Variants in ARMH3 observed in about 807,000 individuals in gnomAD.
ARMH3 encodes armadillo like helical domain containing 3.
Under a neutral mutation model 99.1 loss-of-function variants are expected in ARMH3, and 60 were observed. The ratio of observed to expected loss-of-function variants is 0.61; its 90% CI spans 0.49 to 0.75. The LOEUF (loss-of-function observed/expected upper bound fraction) is 0.75. Ranked by LOEUF, ARMH3 falls within the 30% of genes least tolerant of loss-of-function variation. The pLI, the probability that ARMH3 is intolerant of heterozygous loss-of-function variation, is 0.00. For synonymous variants in ARMH3, 285 were observed against 292.8 expected (o/e 0.97, Z 0.27); for missense variants, 679 against 843.1 (o/e 0.81, Z 2.41).
intron 17 of ARMH3, among the ~76,000 whole-genome samples, chr10:101,993,248 G>T (rs549086949): frequency 4.0e-5 from 6 of 150,826 alleles, no homozygotes; most frequent in East Asian, 2.0e-4. Context: ...TCCAGCCTGG[G>T]GGGGAGAGAG....
At position 101,846,065 on chromosome 10, in the gene ARMH3, G is replaced by A. The variant is rs2066461642; in HGVS notation, c.*1463C>T. 1 of 152,204 alleles carries A rather than the reference G, an allele frequency of 6.6e-6. No homozygotes were observed. The highest frequency in any genetic ancestry group is 2.1e-4 in the South Asian group (1 of 4,830). The allele number at this position is 152,204 out of a possible 1,614,324, so 9.4% of individuals were successfully genotyped here. On this transcript the variant is annotated 3_prime_UTR_variant, in exon 26 of 26. Transcript: ENST00000370033. Reference sequence around the variant, plus strand: ...GGAAAGCCTATAGTGGTTCCATGGAGGCTATCCAAGGGAGGAACCACAAGC... The same window carrying A: ...GGAAAGCCTATAGTGGTTCCATGGAAGCTATCCAAGGGAGGAACCACAAGC...
chr10:102,037,340 C>T (rs891750448), intron 2 of ARMH3, among the ~76,000 whole-genome samples: 1 of 151,714 alleles, frequency 6.6e-6, no homozygotes, highest in Non-Finnish European at 1.5e-5. Context: ...TGCACCACCA[C>T]GCCCAGTTAA....
At chr10:102,010,358 C>CACAT (rs1209132855) in intron 11 of ARMH3, among the ~76,000 whole-genome samples, 1 of 152,230 alleles carries the variant, frequency 6.6e-6, no homozygotes. Flanking sequence ...AGTTAACCTA[C>CACAT]ACATCTTCAT....
At chr10:101,872,695 T>C (rs1306517909) in intron 24 of ARMH3, among the ~76,000 whole-genome samples, 1 of 152,054 alleles carries the variant, frequency 6.6e-6, no homozygotes. Flanking sequence ...TGGTGGCTCA[T>C]CCCTGTAATC....
rs17778015 is a variant in ARMH3, at chr10:101,992,079, C to G, written c.1276-41G>C. On this transcript the variant is annotated intron_variant, in intron 17 of 25. Coordinates refer to ENST00000370033, the MANE Select transcript of ARMH3 (RefSeq NM_024541.3). ...ATGAAGAAAGGAAATTAGTAGACAC[C>G]GGCACTGACATCCAATGGCCCATCA... The G allele has an allele frequency of 2.0e-5, 30 of 1,515,608 alleles. No homozygotes were observed. The South Asian group carries it at 3.4e-4, about 17-fold the overall frequency. The allele number at this position is 1,515,608 out of a possible 1,614,324, so 93.9% of individuals were successfully genotyped here.
intron 2 of ARMH3, among the ~76,000 whole-genome samples, chr10:102,033,798 T>C (rs1161636298): frequency 6.6e-6 from 1 of 152,230 alleles, no homozygotes; most frequent in Non-Finnish European, 1.5e-5. Context: ...TATCTCTTTG[T>C]GTTTTTTTTC....
chr10:102,012,528 TG>T (rs35775336), intron 10 of ARMH3, among the ~76,000 whole-genome samples: 1 of 152,212 alleles, frequency 6.6e-6, no homozygotes, highest in African/African-American at 2.4e-5. Context: ...CTGGACTAAA[TG>T]GAAGTGCCCA....
chr10:101,999,093 T>C (rs1043736977), intron 15 of ARMH3, among the ~76,000 whole-genome samples: 4 of 152,192 alleles, frequency 2.6e-5, no homozygotes, highest in African/African-American at 9.6e-5. Context: ...CTCTGGAGAG[T>C]TTAAATTACA....
intron 23 of ARMH3, among the ~76,000 whole-genome samples, chr10:101,922,461 A>T (rs1374809490): frequency 3.3e-5 from 5 of 152,192 alleles, no homozygotes; most frequent in Admixed American, 3.3e-4. Context: ...TATGTTGCCC[A>T]GGCTGGTCTC....
chr10:101,890,227 CATAT>C (rs921545002), intron 23 of ARMH3, among the ~76,000 whole-genome samples: 2 of 147,966 alleles, frequency 1.4e-5, no homozygotes, highest in Non-Finnish European at 3.0e-5. Context: ...CTCTTTTTTT[CATAT>C]ATATATATAT....
intron 1 of ARMH3, among the ~76,000 whole-genome samples, chr10:102,044,091 CTTTTTTTTTTT>C (rs778226635): frequency 1.9e-5 from 2 of 104,124 alleles, no homozygotes; most frequent in Non-Finnish European, 4.1e-5. Flanking sequence ...TAATTTTTTT[CTTTTTTTTTTT>C]TTTTTTTTGG....
At chr10:101,900,476 C>T (rs1320571425) in intron 23 of ARMH3, among the ~76,000 whole-genome samples, 1 of 152,138 alleles carries the variant, frequency 6.6e-6, no homozygotes, top group Non-Finnish European at 1.5e-5. Flanking sequence ...CAAAACTGAT[C>T]TAATTTTGAT....
At chr10:101,881,034 C>T (rs538004467) in intron 24 of ARMH3, among the ~76,000 whole-genome samples, 7 of 152,326 alleles carry the variant, frequency 4.6e-5, no homozygotes, top group African/African-American at 1.4e-4. Context: ...TCTAACATAA[C>T]CTTCACTCAT....
At chr10:102,002,162 A>G (rs2066376155) in intron 14 of ARMH3, 90 bp from the exon 15 acceptor site, 3 of 1,558,000 alleles carry the variant, frequency 1.9e-6, no homozygotes, top group South Asian at 2.4e-5. Flanking sequence ...CAGGCAAAAA[A>G]ATCACTAAAT....
chr10:101,980,127 C>G (rs1188477616), intron 19 of ARMH3, among the ~76,000 whole-genome samples: 1 of 152,192 alleles, frequency 6.6e-6, no homozygotes, highest in South Asian at 2.1e-4. Context: ...AAGAAACTGT[C>G]AGACCTACCC....
chr10:101,942,774 G>A (rs186993216), intron 22 of ARMH3, among the ~76,000 whole-genome samples: 1 of 151,720 alleles, frequency 6.6e-6, no homozygotes, highest in East Asian at 1.9e-4. Context: ...GCTGAGGCAG[G>A]AGAATTGCTT....
chr10:102,032,825 A>C (rs1223270632), intron 4 of ARMH3: 3 of 539,006 alleles, frequency 5.6e-6, no homozygotes, highest in Non-Finnish European at 9.5e-6. Flanking sequence ...AATTATACAA[A>C]TGGATACGAT....
At chr10:102,046,411 T>C (rs2067553849) in intron 1 of ARMH3, among the ~76,000 whole-genome samples, 2 of 151,510 alleles carry the variant, frequency 1.3e-5, no homozygotes. Context: ...CCCAGCACTT[T>C]GGAGGCCGAG....
Position 101,963,564 on chromosome 10 carries a change from C to A in ARMH3, c.1496-5832G>T, listed in dbSNP as rs965452370. Among the ~76,000 whole-genome samples the A allele has an allele frequency of 2.0e-5, 3 of 152,116 alleles. No homozygotes were observed. The South Asian group carries it at 6.2e-4, about 32-fold the overall frequency. ...GACATTACAGGCATGAGCCACTGTG[C>A]CTGGCCTATTTACTTATTTGTTTTT... On this transcript the variant is annotated intron_variant, in intron 20 of 25. Transcript: ENST00000370033.
Sources: gnomAD v4.1 joint callset for allele counts (sites outside exome capture counted in the v4.1 genomes callset) on GRCh38, gnomAD v4.1.1 for gene constraint, MANE v1.5 for transcripts, NCBI Gene and HGNC (gene_info 2026-07-23, HGNC 2026-07-21) for gene names.